The following ADAMTS17 variants were observed in gnomAD, a reference collection of about 807,000 sequenced individuals.
The protein encoded by ADAMTS17 is ADAM metallopeptidase with thrombospondin type 1 motif 17, also known as A disintegrin and metalloproteinase with thrombospondin motifs 17.
A neutral mutation model predicts 141.5 loss-of-function variants in ADAMTS17; 113 were observed. That is an observed-to-expected ratio of 0.80 (90% CI 0.69 to 0.93). The LOEUF (loss-of-function observed/expected upper bound fraction) is 0.93, where lower values mean the gene tolerates loss of function less well. ADAMTS17 is among the 40% of genes least tolerant of loss of function. The pLI, the probability that ADAMTS17 is intolerant of heterozygous loss-of-function variation, is 0.00. For synonymous variants in ADAMTS17, 768 were observed against 630.6 expected, an observed-to-expected ratio of 1.22 and a Z score of -3.27; for missense variants, 1,659 against 1,517.9, an observed-to-expected ratio of 1.09 and a Z score of -1.54.
intron 15 of ADAMTS17, among the ~76,000 whole-genome samples, chr15:100,054,715 C>A (rs996822979): frequency 1.3e-5 from 2 of 152,180 alleles, no homozygotes; most frequent in African/African-American, 4.8e-5. Flanking sequence ...CTGAGCGTAG[C>A]AGGGGAGAGG....
intron 10 of ADAMTS17, among the ~76,000 whole-genome samples, chr15:100,143,578 T>C (rs2038758988): frequency 1.3e-5 from 2 of 152,260 alleles, no homozygotes. Flanking sequence ...CCAATAACTT[T>C]TGCAACAAAT....
chr15:100,050,516 T>C (rs916752715), intron 17 of ADAMTS17, among the ~76,000 whole-genome samples: 2 of 152,152 alleles, frequency 1.3e-5, no homozygotes, highest in Non-Finnish European at 2.9e-5. Flanking sequence ...GTTGCAGGAA[T>C]AGGCTAAGCA....
At chr15:100,245,136 C>T (rs117334996) in intron 7 of ADAMTS17, among the ~76,000 whole-genome samples, 2,263 of 152,178 alleles carry the variant, frequency 0.015, 23 homozygotes, top group Middle Eastern at 0.051. Context: ...TCTTGTCACA[C>T]TGAAGCTGTG....
At chr15:100,063,653 G>C (rs2033290494) in intron 15 of ADAMTS17, 3 of 1,289,252 alleles carry the variant, frequency 2.3e-6, no homozygotes, top group Non-Finnish European at 3.0e-6. Flanking sequence ...ACACATAAAT[G>C]GTGAGTCAAG....
chr15:100,228,099 C>T (rs551099275), intron 7 of ADAMTS17, among the ~76,000 whole-genome samples: 50 of 152,328 alleles, frequency 3.3e-4, no homozygotes, highest in African/African-American at 1.2e-3. Flanking sequence ...CTTCATGTTC[C>T]TCAAATGCTC....
chr15:100,076,517 C>A lies in ADAMTS17; in HGVS notation c.2137+19839G>T, dbSNP rs1596358481. Among the ~76,000 whole-genome samples the A allele has an allele frequency of 3.3e-5, 5 of 152,152 alleles. No individual in the cohort carries two copies. In the South Asian group the frequency reaches 1.0e-3, roughly 32 times the overall value. On this transcript the variant is annotated intron_variant, in intron 15 of 21. Coordinates refer to ENST00000268070, the MANE Select transcript of ADAMTS17 (RefSeq NM_139057.4). The stretch of plus-strand genomic sequence containing the variant: ...CCTATTGCTGGATACTTGTATAGAT[C>A]CTGTGCTGGTAAATTTATTTCAAAT...
In ADAMTS17 at chr15:100,219,259, C is replaced by T. The variant is rs142539049; in HGVS notation, c.1076-19836G>A. Among the ~76,000 whole-genome samples, 1,412 of 152,226 alleles carry T rather than the reference C, an allele frequency of 9.3e-3. 23 individuals are homozygous for T. The highest frequency in any genetic ancestry group is 0.031 in the African/African-American group (1,291 of 41,524). ...TATTTCTGGGGTGATAAAAATGTTC[C>T]TAAATCAAATTATGGTGATGGCTGT... On this transcript the variant is annotated intron_variant, in intron 7 of 21. Coordinates refer to ENST00000268070, the MANE Select transcript of ADAMTS17 (RefSeq NM_139057.4).
chr15:100,105,542 T>C (rs1269032621), intron 14 of ADAMTS17, among the ~76,000 whole-genome samples: 2 of 152,182 alleles, frequency 1.3e-5, no homozygotes. Flanking sequence ...TGTTTGTGTC[T>C]TCTAGAGTTC....
At chr15:100,197,171 T>C (rs867857787) in intron 8 of ADAMTS17, among the ~76,000 whole-genome samples, 3 of 152,216 alleles carry the variant, frequency 2.0e-5, no homozygotes, top group Non-Finnish European at 2.9e-5. Context: ...ATTTTTAATG[T>C]CTGATGAGAA....
intron 3 of ADAMTS17, among the ~76,000 whole-genome samples, chr15:100,294,340 A>C (rs1019572103): frequency 2.0e-5 from 3 of 152,060 alleles, no homozygotes; most frequent in African/African-American, 4.8e-5. Flanking sequence ...ACTCACCAAA[A>C]ACTTGCCTTC....
chr15:100,263,699 G>GTA (rs1459022979), intron 4 of ADAMTS17, among the ~76,000 whole-genome samples: 1 of 152,246 alleles, frequency 6.6e-6, no homozygotes, highest in Non-Finnish European at 1.5e-5. Context: ...GGAGAGCATA[G>GTA]TAAAGGTAGT....
At chr15:100,331,260 G>C (rs1246335068) in intron 2 of ADAMTS17, among the ~76,000 whole-genome samples, 1 of 152,108 alleles carries the variant, frequency 6.6e-6, no homozygotes, top group Non-Finnish European at 1.5e-5. Flanking sequence ...GCTGCGTTGG[G>C]GGTAGGGGTA....
At chr15:100,334,457 CG>C (rs1217095881) in intron 2 of ADAMTS17, among the ~76,000 whole-genome samples, 1 of 152,108 alleles carries the variant, frequency 6.6e-6, no homozygotes, top group East Asian at 1.9e-4. Context: ...ATAGGGCCAA[CG>C]GGGTGGTGAG....
At chr15:100,313,711 C>A (rs1281473132) in intron 3 of ADAMTS17, among the ~76,000 whole-genome samples, 2 of 152,198 alleles carry the variant, frequency 1.3e-5, no homozygotes, top group Admixed American at 6.5e-5. Context: ...TCTTGCTGGA[C>A]ACGTACACCC....
At chr15:100,234,843 C>T (rs1040344487) in intron 7 of ADAMTS17, among the ~76,000 whole-genome samples, 1 of 152,218 alleles carries the variant, frequency 6.6e-6, no homozygotes, top group African/African-American at 2.4e-5. Context: ...AAGGCGCCCC[C>T]TCCACAGCCT....
In ADAMTS17 at chr15:100,253,512, AGGGGGGAGGGGAAGATAAGGG is replaced by A. The variant is rs1567434290; in HGVS notation, c.1075+603_1075+623del. Among the ~76,000 whole-genome samples the A allele has an allele frequency of 4.2e-4, 21 of 49,650 alleles. 8 individuals are homozygous for A. The highest frequency in any genetic ancestry group is 2.1e-3 in the South Asian group (2 of 974). The allele number at this position is 49,650 out of a possible 152,430, so 32.6% of individuals were successfully genotyped here. ...AACGTAGAGGGGGAGGGGAAGGTAG[AGGGGGGAGGGGAAGATAAGGG>A]AGGGGAAGGGAAGATGAGGGAGGGA... On this transcript the variant is annotated intron_variant, in intron 7 of 21. Coordinates refer to ENST00000268070, the MANE Select transcript of ADAMTS17 (RefSeq NM_139057.4).
At chr15:100,037,013 T>C (rs1318888094) in intron 18 of ADAMTS17, among the ~76,000 whole-genome samples, 3 of 152,234 alleles carry the variant, frequency 2.0e-5, no homozygotes, top group South Asian at 4.1e-4. Context: ...TATAATACTA[T>C]GAACATTTGT....
At chr15:100,236,737 C>G (rs535464243) in intron 7 of ADAMTS17, among the ~76,000 whole-genome samples, 1 of 152,226 alleles carries the variant, frequency 6.6e-6, no homozygotes, top group East Asian at 1.9e-4. Flanking sequence ...ACTCAGGAGG[C>G]TGAAGTGGGA....
At chr15:100,296,886 G>A (rs2044840864) in intron 3 of ADAMTS17, among the ~76,000 whole-genome samples, 1 of 152,258 alleles carries the variant, frequency 6.6e-6, no homozygotes, top group Admixed American at 6.5e-5. Context: ...GAGAACCCAT[G>A]TGTGCTAGGT....
Sources: gnomAD v4.1 joint callset for allele counts (sites outside exome capture counted in the v4.1 genomes callset) on GRCh38, gnomAD v4.1.1 for gene constraint, MANE v1.5 for transcripts, NCBI Gene and HGNC (gene_info 2026-07-23, HGNC 2026-07-21) for gene names.